Variants in ACACB observed in about 807,000 individuals in gnomAD.
ACACB encodes acetyl-CoA carboxylase beta, also known as acetyl-CoA carboxylase 2.
ACACB carries 209 observed loss-of-function variants against 278.8 expected under a neutral mutation model. The ratio of observed to expected loss-of-function variants is 0.75; its 90% CI spans 0.67 to 0.84. The LOEUF is 0.84. Ranked by LOEUF, ACACB falls within the 40% of genes least tolerant of loss-of-function variation. The pLI is 0.00. For synonymous variants in ACACB, 1,174 were observed against 1,285.6 expected (o/e 0.91, Z 1.86); for missense variants, 2,850 against 3,269.0 (o/e 0.87, Z 3.13).
In ACACB at chr12:109,246,233, C is replaced by T. The variant is rs149326318; in HGVS notation, c.5356C>T (p.Arg1786Trp). Residue 1786 changes from arginine to tryptophan, a missense_variant, in exon 39 of 53, where the codon CGG (arginine) becomes TGG (tryptophan). By Grantham distance (101) the Arg-to-Trp change is moderately radical. This residue lies in a region of ACACB where 2,265 missense variants were observed against 2,561.3 expected (regional missense o/e 0.88). Coordinates refer to ENST00000338432, the MANE Select transcript of ACACB (RefSeq NM_001093.4). Reference protein sequence around the residue: ...RFKTQEYPEGRDVIVIGNDIT... With the variant: ...RFKTQEYPEGWDVIVIGNDIT... ...TAAGACCCAGGAGTACCCGGAAGGA[C>T]GGGATGTGATCGTCATCGGCAATGA... 50 of 1,613,536 alleles carry T rather than the reference C, an allele frequency of 3.1e-5. No homozygotes were observed. The African/African-American group carries it at 3.5e-4, about 11-fold the overall frequency.
Position 109,191,842 on chromosome 12 carries a change from C to T in ACACB, c.2296-5C>T, listed in dbSNP as rs184303092. 5.0e-6 allele frequency: 8 copies of T among 1,614,060 alleles called. No individual in the cohort carries two copies. The African/African-American group carries it at 9.3e-5, about 19-fold the overall frequency. ...CTGAGGATACTGAAGTGCATTTTCT[C>T]CTAGGCGGAGAAACCGGATATCATG... On this transcript the variant is annotated splice_region_variant and splice_polypyrimidine_tract_variant and intron_variant, in intron 14 of 52. Transcript: ENST00000338432.
At chr12:109,171,013 A>AT (rs59371391) in intron 4 of ACACB, among the ~76,000 whole-genome samples, 21,365 of 106,570 alleles carry the variant, frequency 0.2, 3,941 homozygotes, top group African/African-American at 0.48. Flanking sequence ...CTTTTTTTGG[A>AT]TTTTTTTTTT....
In ACACB at chr12:109,179,940, C is replaced by T. The variant is rs774332138; in HGVS notation, c.1671C>T (p.Thr557=). Residue 557 remains threonine (T), a synonymous_variant, in exon 11 of 53, where the codon ACC becomes ACT. Coordinates refer to ENST00000338432, the MANE Select transcript of ACACB (RefSeq NM_001093.4). ...AGTGTGCCATCCGCCTGGCCAAGAC[C>T]GTGGGCTATGTGAGTGCAGGGACAG... ...MEQCAIRLAK[T]VGYVSAGTVE... is the part of the protein sequence containing the mutation. 2.8e-5 allele frequency: 45 copies of T among 1,610,378 alleles called. No homozygotes were observed. Among genetic ancestry groups the T allele is most frequent in the South Asian group, 2.1e-4 (19 of 91,008 alleles).
chr12:109,151,938 C>T (rs1331033815), intron 2 of ACACB, among the ~76,000 whole-genome samples: 2 of 152,036 alleles, frequency 1.3e-5, no homozygotes, highest in African/African-American at 4.8e-5. Context: ...AGTTTTGCAC[C>T]GACTGAATAT....
At chr12:109,185,790 G>A (rs777181704) in intron 12 of ACACB, 50 bp downstream of exon 12, 4 of 1,550,066 alleles carry the variant, frequency 2.6e-6, no homozygotes, top group Admixed American at 3.9e-5. Flanking sequence ...CTCCCAGCAT[G>A]TGGGGGACCC....
chr12:109,159,783 A>G (rs1046533210), intron 2 of ACACB, among the ~76,000 whole-genome samples: 1 of 151,736 alleles, frequency 6.6e-6, no homozygotes, highest in African/African-American at 2.4e-5. Flanking sequence ...CCGGGGAGCA[A>G]AATTTCCCCC....
intron 1 of ACACB, among the ~76,000 whole-genome samples, chr12:109,128,747 GCTTT>G (rs1301176641): frequency 6.7e-6 from 1 of 148,986 alleles, no homozygotes; most frequent in Non-Finnish European, 1.5e-5. Flanking sequence ...TACTTTTGTT[GCTTT>G]CTTTTTTTTT....
chr12:109,129,865 T>C (rs1018908056), intron 1 of ACACB, among the ~76,000 whole-genome samples: 13 of 152,152 alleles, frequency 8.5e-5, no homozygotes, highest in Non-Finnish European at 1.5e-4. Context: ...TTTCTGTCCA[T>C]GAGTGGAGGA....
intron 2 of ACACB, among the ~76,000 whole-genome samples, chr12:109,153,368 T>C (rs1053630798): frequency 1.3e-5 from 2 of 152,222 alleles, no homozygotes; most frequent in Admixed American, 6.5e-5. Flanking sequence ...ATAGAATGCA[T>C]AATGATTGTA....
chr12:109,191,212 C>CCTGTGCTT (rs148687901), intron 13 of ACACB, among the ~76,000 whole-genome samples: 2,080 of 115,038 alleles, frequency 0.018, 62 homozygotes, highest in African/African-American at 0.062. Flanking sequence ...TCTCTTAACT[C>CCTGTGCTT]TTCTTTTTTT....
At chr12:109,202,876 A>G (rs1385547484) in intron 19 of ACACB, among the ~76,000 whole-genome samples, 2 of 152,218 alleles carry the variant, frequency 1.3e-5, no homozygotes, top group Non-Finnish European at 2.9e-5. Flanking sequence ...ACACATAACA[A>G]AATTTACCAT....
intron 1 of ACACB, among the ~76,000 whole-genome samples, chr12:109,134,672 G>T (rs1184133531): frequency 2.0e-5 from 3 of 152,178 alleles, no homozygotes; most frequent in Non-Finnish European, 4.4e-5. Flanking sequence ...TCACCATTCA[G>T]AGGCAAAAGG....
At chr12:109,244,220 A>G (rs924659317) in intron 37 of ACACB, among the ~76,000 whole-genome samples, 8 of 152,206 alleles carry the variant, frequency 5.3e-5, no homozygotes, top group African/African-American at 1.9e-4. Flanking sequence ...GGCAGGAAGC[A>G]TCTGTTCCTA....
chr12:109,249,969 T>C lies in ACACB; in HGVS notation c.5670-15T>C. On this transcript the variant is annotated splice_polypyrimidine_tract_variant and intron_variant, in intron 40 of 52. Coordinates refer to ENST00000338432, the MANE Select transcript of ACACB (RefSeq NM_001093.4). ...GGGCTAGAGCCCAGCCTTTAACCTG[T>C]GCTTGCTTTTGAAGATACATGATCA... 1.9e-6 allele frequency: 3 copies of C among 1,609,706 alleles called. No individual in the cohort carries two copies. Among genetic ancestry groups the C allele is most frequent in the Non-Finnish European group, 2.5e-6 (3 of 1,178,478 alleles).
intron 24 of ACACB, among the ~76,000 whole-genome samples, chr12:109,221,040 TG>T (rs748908671): frequency 3.9e-5 from 6 of 152,158 alleles, no homozygotes; most frequent in Non-Finnish European, 7.3e-5. Context: ...CTGTCTGGCC[TG>T]GGAGCCACAT....
chr12:109,231,050 C>T (rs962374227), intron 28 of ACACB, among the ~76,000 whole-genome samples: 1 of 152,182 alleles, frequency 6.6e-6, no homozygotes, highest in African/African-American at 2.4e-5. Context: ...AAAGTCTATC[C>T]CCAAGATGGC....
intron 2 of ACACB, among the ~76,000 whole-genome samples, chr12:109,166,648 T>TAAAAAA (rs2043905774): frequency 7.1e-5 from 1 of 14,050 alleles, no homozygotes; most frequent in Non-Finnish European, 2.0e-4. Flanking sequence ...AGATCCCGTC[T>TAAAAAA]CAAAAAAAAA....
chr12:109,206,572 T>C, intron 19 of ACACB, 138 bp from the exon 20 acceptor site: 1 of 1,074,056 alleles, frequency 9.3e-7, no homozygotes, highest in Non-Finnish European at 1.4e-6. Context: ...TCCAGTTCAT[T>C]GTCTTTGATT....
intron 1 of ACACB, among the ~76,000 whole-genome samples, chr12:109,124,137 A>C (rs931191309): frequency 1.3e-5 from 2 of 152,166 alleles, no homozygotes; most frequent in Admixed American, 1.3e-4. Context: ...TAATTCCTTA[A>C]TCTAGTACCT....
Sources: gnomAD v4.1 joint callset for allele counts (sites outside exome capture counted in the v4.1 genomes callset) on GRCh38, gnomAD v4.1.1 for gene constraint, gnomAD v4.1.1 regional missense constraint, MANE v1.5 for transcripts, NCBI Gene and HGNC (gene_info 2026-07-23, HGNC 2026-07-21) for gene names.